SYT1: variants seen among roughly 807,000 people sequenced by gnomAD.
The protein encoded by SYT1 is synaptotagmin-1.
SYT1 carries 8 observed loss-of-function variants against 44.8 expected under a neutral mutation model. The ratio of observed to expected loss-of-function variants is 0.18; its 90% CI spans 0.10 to 0.32. SYT1 has a LOEUF of 0.32. Among genes scored for constraint, SYT1 ranks in the 10% least tolerant of loss-of-function variants. The probability of loss-of-function intolerance (pLI) is 1.00; values close to 1 mark genes in which losing one functional copy is unlikely to be tolerated. For missense variants in SYT1, 286 were observed against 509.3 expected (o/e 0.56, Z 4.22); for synonymous variants, 154 against 188.8 (o/e 0.82, Z 1.51).
chr12:79,099,021 ATTGTAAG>A (rs895872672), intron 3 of SYT1, among the ~76,000 whole-genome samples: 2 of 152,272 alleles, frequency 1.3e-5, no homozygotes, highest in African/African-American at 2.4e-5. Context: ...AATTTTCTAC[ATTGTAAG>A]CACAGGAAAG....
intron 1 of SYT1, among the ~76,000 whole-genome samples, chr12:78,909,724 A>G (rs9308317): frequency 0.77 from 116,481 of 151,778 alleles, 45,244 homozygotes; most frequent in African/African-American, 0.87. Context: ...GTTTTCTTGA[A>G]CATTGCCATC....
chr12:79,245,089 A>G (rs997735499), intron 4 of SYT1, among the ~76,000 whole-genome samples: 6 of 152,138 alleles, frequency 3.9e-5, no homozygotes, highest in Non-Finnish European at 7.4e-5. Flanking sequence ...GAAGCAAGCC[A>G]TGCTTTAAAA....
In SYT1 at chr12:78,984,248, A is replaced by G. The variant is rs372708902; in HGVS notation, c.-84+6317A>G. ...CCTGTGATGGTTTTTAATTCCCTGG[A>G]CAATTTATCAAGAAATTAAAAATTC... On this transcript the variant is annotated intron_variant, in intron 2 of 10. Transcript: ENST00000261205. Among the ~76,000 whole-genome samples the G allele has an allele frequency of 3.3e-4, 50 of 152,092 alleles. 1 individual carries two copies. The highest frequency in any genetic ancestry group is 6.8e-3 in the Middle Eastern group (2 of 294).
At chr12:79,150,241 G>T (rs1305002696) in intron 3 of SYT1, among the ~76,000 whole-genome samples, 2 of 152,034 alleles carry the variant, frequency 1.3e-5, no homozygotes, top group Non-Finnish European at 2.9e-5. Context: ...AGAAAATGTG[G>T]TATATACACA....
intron 5 of SYT1, among the ~76,000 whole-genome samples, chr12:79,289,496 C>T (rs1030014291): frequency 6.6e-6 from 1 of 152,124 alleles, no homozygotes; most frequent in African/African-American, 2.4e-5. Flanking sequence ...AAATTTAGCC[C>T]TATTTCATGC....
At chr12:79,054,929 T>C (rs950873257) in intron 3 of SYT1, among the ~76,000 whole-genome samples, 3 of 151,970 alleles carry the variant, frequency 2.0e-5, no homozygotes, top group Non-Finnish European at 4.4e-5. Context: ...ATCATTATTA[T>C]TCATGATAAA....
At chr12:79,310,691 T>G (rs966665916) in intron 8 of SYT1, among the ~76,000 whole-genome samples, 145 of 152,356 alleles carry the variant, frequency 9.5e-4, no homozygotes, top group African/African-American at 3.3e-3. Context: ...TTTATTTCAT[T>G]GAGCAGTGGT....
intron 1 of SYT1, among the ~76,000 whole-genome samples, chr12:78,870,752 C>A (rs988385598): frequency 2.0e-5 from 3 of 151,960 alleles, no homozygotes; most frequent in African/African-American, 7.2e-5. Flanking sequence ...AGGCTCATTT[C>A]CGCTGGGCCA....
intron 7 of SYT1, among the ~76,000 whole-genome samples, chr12:79,296,534 A>G (rs1879882816): frequency 6.6e-6 from 1 of 152,192 alleles, no homozygotes; most frequent in Admixed American, 6.5e-5. Context: ...CAAAGGAATG[A>G]AATCATTATT....
chr12:79,233,371 T>A (rs1279220903), intron 4 of SYT1, among the ~76,000 whole-genome samples: 1 of 152,256 alleles, frequency 6.6e-6, no homozygotes, highest in African/African-American at 2.4e-5. Flanking sequence ...GAAACCTGGA[T>A]ACACTGTTAC....
At chr12:79,170,767 CT>C (rs1394316741) in intron 3 of SYT1, among the ~76,000 whole-genome samples, 1 of 152,100 alleles carries the variant, frequency 6.6e-6, no homozygotes, top group Admixed American at 6.6e-5. Context: ...ATCATGAAAT[CT>C]TTGCCCATAC....
At chr12:79,263,020 A>G (rs548096382) in intron 4 of SYT1, among the ~76,000 whole-genome samples, 2 of 152,344 alleles carry the variant, frequency 1.3e-5, no homozygotes, top group South Asian at 2.1e-4. Flanking sequence ...AAGTTATATT[A>G]GCATAAACAT....
chr12:79,038,169 A>C (rs1259226534), intron 2 of SYT1, among the ~76,000 whole-genome samples: 2 of 150,922 alleles, frequency 1.3e-5, no homozygotes, highest in Non-Finnish European at 3.0e-5. Flanking sequence ...ATATGAATAT[A>C]TATATATATA....
chr12:79,313,924 C>G (rs1880940833), intron 8 of SYT1, among the ~76,000 whole-genome samples: 1 of 148,922 alleles, frequency 6.7e-6, no homozygotes, highest in African/African-American at 2.6e-5. Context: ...AATTCCAGCA[C>G]TTTGGGAGGC....
At chr12:78,900,864 T>C (rs1177363553) in intron 1 of SYT1, among the ~76,000 whole-genome samples, 2 of 152,152 alleles carry the variant, frequency 1.3e-5, no homozygotes, top group African/African-American at 4.8e-5. Flanking sequence ...TTAATTTGAA[T>C]ACTCAATACC....
At chr12:78,912,517 A>G (rs892559701) in intron 1 of SYT1, among the ~76,000 whole-genome samples, 1 of 151,918 alleles carries the variant, frequency 6.6e-6, no homozygotes, top group African/African-American at 2.4e-5. Context: ...GTCTAAAAAT[A>G]AAGAGAGTTT....
At chr12:78,991,607 G>T (rs1318505842) in intron 2 of SYT1, among the ~76,000 whole-genome samples, 1 of 152,076 alleles carries the variant, frequency 6.6e-6, no homozygotes, top group East Asian at 1.9e-4. Flanking sequence ...TAGAATTAAA[G>T]ATGTGGCACT....
chr12:79,196,565 C>A lies in SYT1; in HGVS notation c.-17-20938C>A, dbSNP rs150577438. Among the ~76,000 whole-genome samples the A allele has an allele frequency of 1.0e-3, 154 of 152,286 alleles. 1 individual carries two copies. Among genetic ancestry groups the A allele is most frequent in the African/African-American group, 3.3e-3 (138 of 41,568 alleles). On this transcript the variant is annotated intron_variant, in intron 3 of 10. Transcript: ENST00000261205. ...TATGGAGGAAAAGGAATTAGTCCAA[C>A]CTCTATACCTTTTCTTTTAGTAACA...
intron 10 of SYT1, among the ~76,000 whole-genome samples, chr12:79,444,714 T>C (rs1870609571): frequency 6.6e-6 from 1 of 152,148 alleles, no homozygotes; most frequent in African/African-American, 2.4e-5. Context: ...TTCCTGTGTC[T>C]GAGTTGGAAT....
Sources: gnomAD v4.1 joint callset for allele counts (sites outside exome capture counted in the v4.1 genomes callset) on GRCh38, gnomAD v4.1.1 for gene constraint, MANE v1.5 for transcripts, NCBI Gene and HGNC (gene_info 2026-07-23, HGNC 2026-07-21) for gene names.